Variants in GRM8 observed in about 807,000 individuals in gnomAD.
GRM8 encodes the protein metabotropic glutamate receptor 8.
In GRM8, 47 loss-of-function variants were observed where a neutral mutation model predicts 87.2. The observed-to-expected ratio is 0.54, with a 90% CI of 0.43 to 0.69. GRM8 has a LOEUF of 0.69. Among genes scored for constraint, GRM8 ranks in the 30% least tolerant of loss-of-function variants. The pLI is 0.00. For synonymous variants in GRM8, 396 were observed against 404.5 expected (o/e 0.98, Z 0.25); for missense variants, 1,019 against 1,139.2 (o/e 0.89, Z 1.52).
chr7:126,510,314 CT>C (rs1416229628), intron 9 of GRM8, among the ~76,000 whole-genome samples: 2 of 146,002 alleles, frequency 1.4e-5, no homozygotes, highest in African/African-American at 5.0e-5. Flanking sequence ...AAAAAATGAA[CT>C]CAATATGATT....
chr7:126,879,612 G>A lies in GRM8; in HGVS notation c.1156+22930C>T, dbSNP rs114181576. On this transcript the variant is annotated intron_variant, in intron 6 of 10. Coordinates refer to ENST00000339582, the MANE Select transcript of GRM8 (RefSeq NM_000845.3). ...ATTTTTTCCTTCTCAAGGCAAAGCC[G>A]TACATCACCACATACATTATCATAT... Among the ~76,000 whole-genome samples, 1,258 of 150,638 alleles carry A rather than the reference G, an allele frequency of 8.4e-3. 20 individuals carry two copies. Among genetic ancestry groups the A allele is most frequent in the African/African-American group, 0.03 (1,203 of 40,596 alleles).
chr7:126,476,213 T>C (rs1163486475), intron 9 of GRM8, among the ~76,000 whole-genome samples: 1 of 152,104 alleles, frequency 6.6e-6, no homozygotes, highest in Non-Finnish European at 1.5e-5. Flanking sequence ...CCAAGTTATG[T>C]TGTTTTGAGG....
intron 2 of GRM8, among the ~76,000 whole-genome samples, chr7:127,236,338 T>C (rs1417297880): frequency 1.3e-5 from 2 of 152,246 alleles, no homozygotes; most frequent in African/African-American, 4.8e-5. Flanking sequence ...TTCACACTGC[T>C]ATAAGGAACT....
chr7:126,664,571 T>C (rs189444175), intron 7 of GRM8, among the ~76,000 whole-genome samples: 1 of 152,310 alleles, frequency 6.6e-6, no homozygotes, highest in African/African-American at 2.4e-5. Flanking sequence ...GCTAGCCATA[T>C]GTGGAAGAAT....
At chr7:127,219,022 G>A (rs1355831930) in intron 2 of GRM8, among the ~76,000 whole-genome samples, 2 of 152,184 alleles carry the variant, frequency 1.3e-5, no homozygotes, top group African/African-American at 2.4e-5. Context: ...AGTAACTCCT[G>A]AAACCTGCCT....
intron 3 of GRM8, among the ~76,000 whole-genome samples, chr7:127,090,728 C>T (rs531476912): frequency 1.3e-5 from 2 of 152,258 alleles, no homozygotes; most frequent in African/African-American, 4.8e-5. Context: ...ACTGGCATGC[C>T]CCAGAACCCA....
At chr7:126,677,294 T>C (rs1677500736) in intron 7 of GRM8, among the ~76,000 whole-genome samples, 1 of 151,490 alleles carries the variant, frequency 6.6e-6, no homozygotes, top group African/African-American at 2.4e-5. Flanking sequence ...AGCACGGAAA[T>C]TTCTCAAAGA....
At chr7:126,863,560 C>A (rs1273889330) in intron 6 of GRM8, among the ~76,000 whole-genome samples, 1 of 152,146 alleles carries the variant, frequency 6.6e-6, no homozygotes, top group Non-Finnish European at 1.5e-5. Flanking sequence ...TAGTCAAACC[C>A]ATAGTCTGCT....
chr7:126,768,135 G>T lies in GRM8; in HGVS notation c.1357+1730C>A, dbSNP rs138908897. Among the ~76,000 whole-genome samples the T allele has an allele frequency of 7.2e-5, 11 of 151,922 alleles. No individual in the cohort carries two copies. The East Asian group carries it at 1.9e-3, about 27-fold the overall frequency. On this transcript the variant is annotated intron_variant, in intron 7 of 10. Transcript: ENST00000339582. ...ATCTGTTCCTAAATCCCTATATTAG[G>T]GAAATGTCCACTATTATAAACTCTA...
chr7:126,966,469 C>T (rs1419451), intron 3 of GRM8, among the ~76,000 whole-genome samples: 15,504 of 152,028 alleles, frequency 0.1, 959 homozygotes, highest in East Asian at 0.22. Flanking sequence ...ATTATTTCAC[C>T]TTAAAAGGAA....
chr7:126,684,758 A>C (rs1807983437), intron 7 of GRM8, among the ~76,000 whole-genome samples: 3 of 152,242 alleles, frequency 2.0e-5, no homozygotes, highest in Admixed American at 2.0e-4. Flanking sequence ...CTACTAGTTT[A>C]GGAGATGGGA....
intron 9 of GRM8, among the ~76,000 whole-genome samples, chr7:126,453,560 A>G (rs1189395246): frequency 1.3e-5 from 2 of 151,760 alleles, no homozygotes; most frequent in African/African-American, 4.8e-5. Context: ...TCAACCAACA[A>G]GCAGAATATC....
chr7:126,643,266 G>T, intron 7 of GRM8, among the ~76,000 whole-genome samples: 1 of 126,890 alleles, frequency 7.9e-6, no homozygotes, highest in African/African-American at 3.1e-5. Flanking sequence ...ACTCCAGCAT[G>T]GGTGACAGAG....
intron 7 of GRM8, among the ~76,000 whole-genome samples, chr7:126,699,503 AT>A (rs1236122156): frequency 6.6e-6 from 1 of 152,292 alleles, no homozygotes. Context: ...AGACAAAAAA[AT>A]CCCCTGTGAT....
At chr7:127,234,788 T>C (rs965285864) in intron 2 of GRM8, among the ~76,000 whole-genome samples, 3 of 152,206 alleles carry the variant, frequency 2.0e-5, no homozygotes, top group African/African-American at 4.8e-5. Flanking sequence ...GTGATAACCA[T>C]TGGACTGAGC....
intron 9 of GRM8, among the ~76,000 whole-genome samples, chr7:126,505,700 T>C (rs1311890197): frequency 1.3e-5 from 2 of 152,108 alleles, no homozygotes; most frequent in Non-Finnish European, 2.9e-5. Context: ...CTTGTTGAAG[T>C]ATAATTGTCA....
chr7:127,002,768 T>C (rs1186691915), intron 3 of GRM8, among the ~76,000 whole-genome samples: 1 of 151,788 alleles, frequency 6.6e-6, no homozygotes, highest in Non-Finnish European at 1.5e-5. Flanking sequence ...ATTGAAAGCA[T>C]AACCAAGTGA....
At chr7:126,795,252 C>T (rs1425734448) in intron 6 of GRM8, among the ~76,000 whole-genome samples, 2 of 152,038 alleles carry the variant, frequency 1.3e-5, no homozygotes, top group Admixed American at 1.3e-4. Context: ...TATACACAAA[C>T]TCTCAGGCAT....
At chr7:126,921,502 G>T (rs1463114611) in intron 3 of GRM8, among the ~76,000 whole-genome samples, 1 of 151,916 alleles carries the variant, frequency 6.6e-6, no homozygotes, top group Non-Finnish European at 1.5e-5. Context: ...CCAGCAAAAA[G>T]AAAAGAAAGG....
Sources: allele counts gnomAD v4.1 joint callset (sites outside exome capture counted in the v4.1 genomes callset), GRCh38; gene constraint gnomAD v4.1.1; transcripts MANE v1.5; gene names NCBI Gene and HGNC (gene_info 2026-07-23, HGNC 2026-07-21).